The following PTPRD variants were observed in gnomAD, a reference collection of about 807,000 sequenced individuals.
The protein encoded by PTPRD is protein tyrosine phosphatase receptor type D.
PTPRD carries 34 observed loss-of-function variants against 214.5 expected under a neutral mutation model. The ratio of observed to expected loss-of-function variants is 0.16; its 90% CI spans 0.12 to 0.21. The LOEUF (loss-of-function observed/expected upper bound fraction) is 0.21, where lower values mean the gene tolerates loss of function less well. Ranked by LOEUF, PTPRD falls within the 10% of genes least tolerant of loss-of-function variation. The pLI is 1.00. For missense variants in PTPRD, 2,545 were observed against 2,398.7 expected (o/e 1.06, Z -1.27); for synonymous variants, 1,128 against 845.7 (o/e 1.33, Z -5.79).
chr9:9,034,510 G>A (rs2154379031), intron 10 of PTPRD, among the ~76,000 whole-genome samples: 1 of 152,262 alleles, frequency 6.6e-6, no homozygotes, highest in East Asian at 1.9e-4. Context: ...ACGGTTAAGT[G>A]CATTGTAAAC....
intron 9 of PTPRD, among the ~76,000 whole-genome samples, chr9:9,369,746 C>A (rs1303179967): frequency 6.6e-6 from 1 of 152,230 alleles, no homozygotes; most frequent in East Asian, 1.9e-4. Flanking sequence ...GGTTTTAGGT[C>A]TAACACATAA....
chr9:9,460,500 T>C (rs903793065), intron 8 of PTPRD, among the ~76,000 whole-genome samples: 3 of 151,230 alleles, frequency 2.0e-5, no homozygotes, highest in Non-Finnish European at 3.0e-5. Context: ...AAAAAACAAA[T>C]CCATTAAAAA....
intron 12 of PTPRD, among the ~76,000 whole-genome samples, chr9:8,710,346 G>A (rs1449240892): frequency 6.6e-6 from 1 of 152,160 alleles, no homozygotes; most frequent in Non-Finnish European, 1.5e-5. Flanking sequence ...GCCATGCAGG[G>A]TGGCTTATGC....
chr9:8,633,157 G>A (rs561250985), intron 14 of PTPRD, among the ~76,000 whole-genome samples, 160 bp downstream of exon 14: 2 of 151,942 alleles, frequency 1.3e-5, no homozygotes, highest in Non-Finnish European at 2.9e-5. Context: ...CCCAAAACTA[G>A]AGAAGGTATC....
intron 3 of PTPRD, among the ~76,000 whole-genome samples, chr9:10,281,319 A>G (rs1427269212): frequency 6.7e-6 from 1 of 149,236 alleles, no homozygotes; most frequent in African/African-American, 2.6e-5. Context: ...CAGTTGTATC[A>G]TTTGCTACAT....
At chr9:8,803,150 G>C (rs1410524272) in intron 11 of PTPRD, among the ~76,000 whole-genome samples, 1 of 152,060 alleles carries the variant, frequency 6.6e-6, no homozygotes, top group East Asian at 1.9e-4. Flanking sequence ...CGCATGTAAA[G>C]CAATTGACAC....
At chr9:8,621,874 G>C (rs990568802) in intron 14 of PTPRD, among the ~76,000 whole-genome samples, 3 of 151,872 alleles carry the variant, frequency 2.0e-5, no homozygotes, top group Non-Finnish European at 4.4e-5. Flanking sequence ...GCCTTAAAAA[G>C]TAACTTATAT....
At chr9:8,903,750 T>A (rs1055194051) in intron 11 of PTPRD, among the ~76,000 whole-genome samples, 5 of 148,806 alleles carry the variant, frequency 3.4e-5, no homozygotes, top group Non-Finnish European at 5.9e-5. Context: ...TTCTCTACCT[T>A]TAAAAAATTA....
At chr9:9,958,371 C>T (rs1337336580) in intron 4 of PTPRD, among the ~76,000 whole-genome samples, 1 of 151,834 alleles carries the variant, frequency 6.6e-6, no homozygotes, top group Non-Finnish European at 1.5e-5. Flanking sequence ...CTCTACTAAA[C>T]ATACAAAAAA....
chr9:9,689,892 A>G (rs1374389529), intron 7 of PTPRD, among the ~76,000 whole-genome samples: 1 of 151,816 alleles, frequency 6.6e-6, no homozygotes, highest in Non-Finnish European at 1.5e-5. Context: ...ATTACTAGGC[A>G]CTTAATTAGG....
rs566941197 is a variant in PTPRD, at chr9:8,379,070, C to T, written c.4387-2344G>A. 5.3e-5 allele frequency among the ~76,000 whole-genome samples: 8 copies of T among 152,132 alleles called. No homozygotes were observed. In the South Asian group the frequency reaches 1.5e-3, roughly 28 times the overall value. On this transcript the variant is annotated intron_variant, in intron 37 of 45. Transcript: ENST00000381196. ...TCTAGCTAAAAGAAGAAAAAAGTTGCTTTTGAACAATGCATTTTTAGTATT... is the reference window on the plus strand; with the variant it reads ...TCTAGCTAAAAGAAGAAAAAAGTTGTTTTTGAACAATGCATTTTTAGTATT...
chr9:8,723,319 C>T (rs2098522252), intron 12 of PTPRD, among the ~76,000 whole-genome samples: 1 of 152,210 alleles, frequency 6.6e-6, no homozygotes, highest in Non-Finnish European at 1.5e-5. Flanking sequence ...CCTTCCTTGA[C>T]ATATGACAAA....
At chr9:8,400,577 A>T (rs1033063291) in intron 36 of PTPRD, among the ~76,000 whole-genome samples, 2 of 152,226 alleles carry the variant, frequency 1.3e-5, no homozygotes, top group Admixed American at 1.3e-4. Context: ...CAAAAAGATA[A>T]GACTGAGCTT....
intron 9 of PTPRD, among the ~76,000 whole-genome samples, chr9:9,185,488 T>A (rs1269233983): frequency 6.6e-6 from 1 of 152,066 alleles, no homozygotes; most frequent in African/African-American, 2.4e-5. Flanking sequence ...CTGGTTAAGT[T>A]TAGTCTTGCT....
chr9:10,557,554 G>T (rs2062890931), intron 2 of PTPRD, among the ~76,000 whole-genome samples: 1 of 152,040 alleles, frequency 6.6e-6, no homozygotes, highest in South Asian at 2.1e-4. Flanking sequence ...CTGCTGCTCT[G>T]CTATCACTGT....
At chr9:9,333,504 T>TATAGTATATATATATATATATA (rs1555249397) in intron 9 of PTPRD, among the ~76,000 whole-genome samples, 2 of 137,248 alleles carry the variant, frequency 1.5e-5, no homozygotes, top group African/African-American at 5.8e-5. Flanking sequence ...ATATAGTATA[T>TATAGTATATATATATATATATA]TATATATATA....
intron 10 of PTPRD, among the ~76,000 whole-genome samples, chr9:9,048,858 A>T (rs1231597682): frequency 1.3e-5 from 2 of 152,140 alleles, no homozygotes; most frequent in African/African-American, 2.4e-5. Flanking sequence ...GAGGGTATAG[A>T]TACCCCATTT....
chr9:8,358,123 C>T (rs2077439153), intron 39 of PTPRD, among the ~76,000 whole-genome samples: 1 of 152,288 alleles, frequency 6.6e-6, no homozygotes, highest in South Asian at 2.1e-4. Flanking sequence ...GTCTGTTTCA[C>T]ACATGGCATA....
intron 3 of PTPRD, among the ~76,000 whole-genome samples, chr9:10,265,027 G>A (rs2093961438): frequency 6.6e-6 from 1 of 152,106 alleles, no homozygotes. Flanking sequence ...CACCATGACT[G>A]TGAGGCCTTC....
Sources: gnomAD v4.1 joint callset for allele counts (sites outside exome capture counted in the v4.1 genomes callset) on GRCh38, gnomAD v4.1.1 for gene constraint, MANE v1.5 for transcripts, NCBI Gene and HGNC (gene_info 2026-07-23, HGNC 2026-07-21) for gene names.